Variants in SCUBE1 observed in about 807,000 individuals in gnomAD.
SCUBE1 encodes the protein signal peptide, CUB domain and EGF like domain containing 1.
Under a neutral mutation model 124.4 loss-of-function variants are expected in SCUBE1, and 59 were observed. The ratio of observed to expected loss-of-function variants is 0.47; its 90% CI spans 0.38 to 0.59. The LOEUF is 0.59. Among genes scored for constraint, SCUBE1 ranks in the 20% least tolerant of loss-of-function variants. SCUBE1 has a pLI of 0.00. For synonymous variants in SCUBE1, 545 were observed against 550.9 expected (o/e 0.99, Z 0.15); for missense variants, 1,150 against 1,371.2 (o/e 0.84, Z 2.55).
intron 3 of SCUBE1, among the ~76,000 whole-genome samples, chr22:43,313,212 G>T (rs551121651): frequency 6.6e-6 from 1 of 152,318 alleles, no homozygotes; most frequent in South Asian, 2.1e-4. Context: ...CATAGGGTTG[G>T]TGCTCAATAA....
At chr22:43,310,160 C>T (rs181382085) in intron 3 of SCUBE1, among the ~76,000 whole-genome samples, 3 of 152,216 alleles carry the variant, frequency 2.0e-5, no homozygotes, top group Middle Eastern at 3.4e-3. Flanking sequence ...CTGTGTCCCT[C>T]GCTCCTGATC....
chr22:43,304,027 C>T (rs1421604465), intron 3 of SCUBE1, among the ~76,000 whole-genome samples: 3 of 152,190 alleles, frequency 2.0e-5, no homozygotes, highest in Non-Finnish European at 4.4e-5. Context: ...TAATAAACTC[C>T]CCCGTGAAGG....
chr22:43,226,335 G>A (rs758970946), intron 10 of SCUBE1, among the ~76,000 whole-genome samples: 22 of 152,140 alleles, frequency 1.4e-4, no homozygotes, highest in Non-Finnish European at 2.1e-4. Flanking sequence ...AGATGGGTGC[G>A]GAAGTGGCCA....
intron 6 of SCUBE1, among the ~76,000 whole-genome samples, chr22:43,256,310 C>T (rs1209041007): frequency 6.6e-6 from 1 of 152,202 alleles, no homozygotes; most frequent in Non-Finnish European, 1.5e-5. Flanking sequence ...AGAAGTGGCC[C>T]CGAGCTGGCC....
Position 43,317,507 on chromosome 22 carries a change from C to T in SCUBE1, c.349+2430G>A, listed in dbSNP as rs1367676263. Among the ~76,000 whole-genome samples, 3 of 152,170 alleles carry T rather than the reference C, an allele frequency of 2.0e-5. No individual in the cohort carries two copies. In the East Asian group the frequency reaches 5.8e-4, roughly 29 times the overall value. On this transcript the variant is annotated intron_variant, in intron 3 of 21. Coordinates refer to ENST00000360835, the MANE Select transcript of SCUBE1 (RefSeq NM_173050.5). ...CCTGTGAGGAAGCTGCTTCTCATAG[C>T]CTCCCTCTACCAACAAGGGCCTGAG...
intron 16 of SCUBE1, among the ~76,000 whole-genome samples, chr22:43,213,819 A>G (rs932478952): frequency 6.7e-6 from 1 of 148,700 alleles, no homozygotes; most frequent in Non-Finnish European, 1.5e-5. Context: ...AAAGGGCACA[A>G]TGCAATTCTG....
At chr22:43,332,180 T>C (rs985093886) in intron 2 of SCUBE1, among the ~76,000 whole-genome samples, 3 of 151,956 alleles carry the variant, frequency 2.0e-5, no homozygotes, top group African/African-American at 7.3e-5. Flanking sequence ...CCCAGGTACT[T>C]GGGAGGCTGA....
At chr22:43,268,659 C>T (rs139035) in intron 4 of SCUBE1, among the ~76,000 whole-genome samples, 102,450 of 152,208 alleles carry the variant, frequency 0.67, 37,104 homozygotes, top group East Asian at 0.95. Context: ...TTTCCACCTA[C>T]GTAGAATTGG....
At chr22:43,218,196 C>T (rs1921922085) in intron 15 of SCUBE1, 59 bp downstream of exon 15, 5 of 1,554,588 alleles carry the variant, frequency 3.2e-6, no homozygotes, top group South Asian at 2.2e-5. Flanking sequence ...CTGTTTACCC[C>T]GGCTCATGTG....
rs1922566376 is a variant in SCUBE1, at chr22:43,231,860, A to G, written c.860T>C (p.Leu287Pro). The change falls in exon 8 of 22, where the codon CTG becomes CCG. Residue 287 changes from leucine to proline, a missense_variant. Transcript: ENST00000360835. ...GTGGTCGCAGCCTCCGTTGTTGACCAGGCACTCGTTGATGTCTGTGGGAGC... is the reference window on the plus strand; with the variant it reads ...GTGGTCGCAGCCTCCGTTGTTGACCGGGCACTCGTTGATGTCTGTGGGAGC... ...GKTCKDINEC[L>P]VNNGGCDHFC... 6.2e-7 allele frequency: 1 copy of G among 1,613,536 alleles called. No homozygotes were observed. Among genetic ancestry groups the G allele is most frequent in the Non-Finnish European group, 8.5e-7 (1 of 1,179,732 alleles).
At chr22:43,304,064 TC>T (rs1457768065) in intron 3 of SCUBE1, among the ~76,000 whole-genome samples, 1 of 152,178 alleles carries the variant, frequency 6.6e-6, no homozygotes, top group African/African-American at 2.4e-5. Context: ...ACGGCCCTTT[TC>T]ATTTAAGGGA....
chr22:43,310,615 T>C (rs1926136514), intron 3 of SCUBE1, among the ~76,000 whole-genome samples: 1 of 152,254 alleles, frequency 6.6e-6, no homozygotes, highest in Admixed American at 6.5e-5. Context: ...TAGTTGATCC[T>C]GTCTGACTTC....
intron 4 of SCUBE1, chr22:43,283,656 AG>A (rs1427175054): frequency 6.6e-6 from 1 of 152,226 alleles, no homozygotes; most frequent in Non-Finnish European, 1.5e-5. Flanking sequence ...AATGGCGTGG[AG>A]CCACACTCAC....
intron 2 of SCUBE1, among the ~76,000 whole-genome samples, chr22:43,323,477 T>G (rs1410444870): frequency 6.6e-6 from 1 of 152,174 alleles, no homozygotes; most frequent in African/African-American, 2.4e-5. Flanking sequence ...CCCATCCATT[T>G]ATCCAGCCAA....
At position 43,231,560 on chromosome 22, in the gene SCUBE1, C is replaced by T. The variant is rs142463739; in HGVS notation, c.967+193G>A. Among the ~76,000 whole-genome samples the T allele has an allele frequency of 3.3e-5, 5 of 152,240 alleles. No individual in the cohort carries two copies. In the East Asian group the frequency reaches 9.7e-4, roughly 29 times the overall value. ...CCTGGGACATGTGCTGAAGCCCTCTCGAGCCTCAGTGTCCCATCAATAAAA... is the reference window on the plus strand; with the variant it reads ...CCTGGGACATGTGCTGAAGCCCTCTTGAGCCTCAGTGTCCCATCAATAAAA... On this transcript the variant is annotated intron_variant, in intron 8 of 21. Transcript: ENST00000360835.
chr22:43,216,818 C>A (rs1409463959), intron 15 of SCUBE1, among the ~76,000 whole-genome samples: 3 of 150,666 alleles, frequency 2.0e-5, no homozygotes, highest in African/African-American at 7.4e-5. Context: ...CCAACAGCTT[C>A]CCCGCCCTCT....
intron 12 of SCUBE1, among the ~76,000 whole-genome samples, chr22:43,221,528 C>A (rs1360697134): frequency 1.3e-5 from 2 of 152,116 alleles, no homozygotes; most frequent in African/African-American, 2.4e-5. Flanking sequence ...CCAGGGGCCA[C>A]CCGCCAGAGG....
chr22:43,303,201 C>T (rs772702526), intron 3 of SCUBE1, among the ~76,000 whole-genome samples: 1 of 152,268 alleles, frequency 6.6e-6, no homozygotes, highest in Admixed American at 6.5e-5. Context: ...AATTGCCAGG[C>T]GGCTGTGCGG....
At position 43,222,670 on chromosome 22, in the gene SCUBE1, C is replaced by T. The variant is rs761587947; in HGVS notation, c.1400G>A (p.Gly467Asp). ...PQGKALQKRNGTSSGLGPSCS... is the reference protein window; with the variant it reads ...PQGKALQKRNDTSSGLGPSCS... ...GCTGGGCCCGAGGCCAGAGCTGGTGCCGTTGCGTTTCTGCAGCGCCTTGCC... is the reference window on the plus strand; with the variant it reads ...GCTGGGCCCGAGGCCAGAGCTGGTGTCGTTGCGTTTCTGCAGCGCCTTGCC... Residue 467 changes from glycine to aspartate, a missense_variant, in exon 12 of 22, where the codon GGC becomes GAC. This residue lies in a region of SCUBE1 where 757 missense variants were observed against 840.9 expected (regional missense o/e 0.90). Coordinates refer to ENST00000360835, the MANE Select transcript of SCUBE1 (RefSeq NM_173050.5). The T allele has an allele frequency of 6.2e-7, 1 of 1,601,958 alleles. No homozygotes were observed. The highest frequency in any genetic ancestry group is 1.1e-5 in the South Asian group (1 of 88,906).
Sources: gnomAD v4.1 joint callset for allele counts (sites outside exome capture counted in the v4.1 genomes callset) on GRCh38, gnomAD v4.1.1 for gene constraint, gnomAD v4.1.1 regional missense constraint, MANE v1.5 for transcripts, NCBI Gene and HGNC (gene_info 2026-07-23, HGNC 2026-07-21) for gene names.